The following ASAP3 variants were observed in gnomAD, a reference collection of about 807,000 sequenced individuals.
The protein encoded by ASAP3 is arf-GAP with SH3 domain, ANK repeat and PH domain-containing protein 3.
Under a neutral mutation model 118.2 loss-of-function variants are expected in ASAP3, and 85 were observed. The ratio of observed to expected loss-of-function variants is 0.72; its 90% CI spans 0.60 to 0.86. The LOEUF (loss-of-function observed/expected upper bound fraction) is 0.86. ASAP3 is among the 40% of genes least tolerant of loss of function. The pLI, the probability that ASAP3 is intolerant of heterozygous loss-of-function variation, is 0.00. For synonymous variants in ASAP3, 432 were observed against 477.4 expected (o/e 0.90, Z 1.24); for missense variants, 1,026 against 1,175.0 (o/e 0.87, Z 1.85).
intron 1 of ASAP3, among the ~76,000 whole-genome samples, chr1:23,468,273 C>T (rs759243275): frequency 6.6e-6 from 1 of 152,244 alleles, no homozygotes; most frequent in Non-Finnish European, 1.5e-5. Flanking sequence ...CCACACTCAT[C>T]ATGAGCACTA....
In ASAP3 at chr1:23,435,975, C is replaced by A. The variant is rs751387661; in HGVS notation, c.1625G>T (p.Arg542Leu). Residue 542 changes from arginine (R) to leucine (L), a missense_variant, in exon 17 of 25, where the codon CGC becomes CTC. Transcript: ENST00000336689. ...MAKYVEHRFARRCTPEPQRLW... is the reference protein window; with the variant it reads ...MAKYVEHRFALRCTPEPQRLW... ...TCGCTGAGGCTCAGGTGTGCACCGG[C>A]GTGCAAACCTATGCTCCACATACTT... The A allele has an allele frequency of 1.2e-6, 2 of 1,614,134 alleles. No homozygotes were observed. Among genetic ancestry groups the A allele is most frequent in the African/African-American group, 1.3e-5 (1 of 74,936 alleles).
rs565361291 is a variant in ASAP3 at position 23,437,037 on chromosome 1, C to T, written c.1350G>A (p.Thr450=). 3.1e-6 allele frequency: 5 copies of T among 1,610,852 alleles called. No homozygotes were observed. The East Asian group carries it at 6.7e-5, about 22-fold the overall frequency. The stretch of plus-strand genomic sequence containing the variant: ...GCACGCCCAGGTTGGTGCTGAGCCA[C>T]GTGGGGTCTGCAGAGGAAAGCAGCT... ...QCCDCGAADP[T]WLSTNLGVLT... is the part of the protein sequence containing the mutation. Residue 450 remains threonine (T), a synonymous_variant, in exon 15 of 25, where the codon ACG becomes ACA. Transcript: ENST00000336689. The surrounding 1 kb of genome is among the most constrained non-coding windows in gnomAD (Gnocchi z 6.1).
chr1:23,433,052 C>T, intron 22 of ASAP3, 25 bp downstream of exon 22: 1 of 1,612,566 alleles, frequency 6.2e-7, no homozygotes, highest in Non-Finnish European at 8.5e-7. Flanking sequence ...GCATGGTGAG[C>T]ATTTATCTGG....
chr1:23,472,952 T>C (rs1260848285), intron 1 of ASAP3, among the ~76,000 whole-genome samples: 1 of 152,078 alleles, frequency 6.6e-6, no homozygotes, highest in African/African-American at 2.4e-5. Context: ...CAAACCCAAG[T>C]CTGTCTGACT....
At chr1:23,441,801 G>A (rs1640882987) in intron 7 of ASAP3, 71 bp from the exon 8 acceptor site, 1 of 1,538,826 alleles carries the variant, frequency 6.5e-7, no homozygotes, top group Admixed American at 1.7e-5. Context: ...AGAAGTGTGG[G>A]AGAAGCTGCC....
At chr1:23,470,760 C>T (rs1311531656) in intron 1 of ASAP3, among the ~76,000 whole-genome samples, 1 of 152,258 alleles carries the variant, frequency 6.6e-6, no homozygotes, top group African/African-American at 2.4e-5. Flanking sequence ...CCAGCCTCAC[C>T]AGCTCAGCCT....
At chr1:23,444,519 A>G (rs1383625708) in intron 5 of ASAP3, among the ~76,000 whole-genome samples, 1 of 152,190 alleles carries the variant, frequency 6.6e-6, no homozygotes, top group African/African-American at 2.4e-5. Context: ...CCCCTCTCTG[A>G]GCCTTGGTCT....
intron 24 of ASAP3, 21 bp from the exon 25 acceptor site, chr1:23,429,951 C>T (rs1558097438): frequency 6.2e-7 from 1 of 1,608,544 alleles, no homozygotes; most frequent in Non-Finnish European, 8.5e-7. Flanking sequence ...AAGGATGAAA[C>T]TGACATTTTC....
In ASAP3 at chr1:23,436,661, T is replaced by A. The variant is rs1640667909; in HGVS notation, c.1477-7A>T. 1.9e-6 allele frequency: 3 copies of A among 1,613,590 alleles called. No homozygotes were observed. Among genetic ancestry groups the A allele is most frequent in the Non-Finnish European group, 1.7e-6 (2 of 1,179,920 alleles). On this transcript the variant is annotated splice_region_variant and splice_polypyrimidine_tract_variant and intron_variant, in intron 15 of 24. Coordinates refer to ENST00000336689, the MANE Select transcript of ASAP3 (RefSeq NM_017707.4). This position sits in a 1 kb window ranked among gnomAD's most constrained non-coding sequence, Gnocchi z 4.2. ...TTCCCATGTTCAAGGCCAGCTGGAG[T>A]CGTAGGAAAATAGACGTGGGGCGGA...
chr1:23,453,934 C>T (rs188965262), intron 3 of ASAP3, among the ~76,000 whole-genome samples: 1 of 152,314 alleles, frequency 6.6e-6, no homozygotes, highest in East Asian at 1.9e-4. Flanking sequence ...GTCCACTAGA[C>T]AGCAGACCCC....
At chr1:23,457,770 C>T (rs1202134961) in intron 1 of ASAP3, among the ~76,000 whole-genome samples, 1 of 152,218 alleles carries the variant, frequency 6.6e-6, no homozygotes, top group African/African-American at 2.4e-5. Flanking sequence ...GCTTCGGCCT[C>T]CCAAGGTGCT....
Position 23,435,877 on chromosome 1 carries a change from G to A in ASAP3, c.1723C>T (p.Gln575Ter). ...EAFANGQDFG[Q>*]PLPGPDAQAP... Reference sequence around the variant, plus strand: ...TGTGCATCAGGCCCTGGCAGCGGCTGTCCAAAGTCCTGCCCATTGGCAAAG... The same window carrying A: ...TGTGCATCAGGCCCTGGCAGCGGCTATCCAAAGTCCTGCCCATTGGCAAAG... Residue 575 changes from glutamine to a stop codon, truncating the protein, a stop_gained, in exon 17 of 25, where the codon CAG (glutamine) becomes TAG (stop). Transcript: ENST00000336689. LOFTEE classifies it high-confidence loss of function. 1.2e-6 allele frequency: 2 copies of A among 1,614,274 alleles called. No homozygotes were observed. The highest frequency in any genetic ancestry group is 4.5e-5 in the East Asian group (2 of 44,888).
chr1:23,434,305 G>A lies in ASAP3; in HGVS notation c.1900C>T (p.Gln634Ter). The change falls in exon 19 of 25, where the codon CAG becomes TAG. Residue 634 changes from glutamine (Q) to a stop codon, truncating the protein, a stop_gained. Coordinates refer to ENST00000336689, the MANE Select transcript of ASAP3 (RefSeq NM_017707.4). LOFTEE classifies it high-confidence loss of function. Reference sequence around the variant, plus strand: ...AGCAGCAGCTTGAGGCAGTCGGGCTGGTTGTAGAGTGCTGCGTAGTGCAGA... The same window carrying A: ...AGCAGCAGCTTGAGGCAGTCGGGCTAGTTGTAGAGTGCTGCGTAGTGCAGA... ...TALHYAALYN[Q>*]PDCLKLLLKG... 1 of 1,614,216 alleles carries A rather than the reference G, an allele frequency of 6.2e-7. No homozygotes were observed. The highest frequency in any genetic ancestry group is 2.2e-5 in the East Asian group (1 of 44,888).
Position 23,431,082 on chromosome 1 carries a change from C to A in ASAP3, c.2590G>T (p.Glu864Ter). ...RSYRRGARSP[E>*]DGPSARQPLP... ...GGCTGCCTGGCTGAGGGACCATCTT[C>A]AGGGCTCCGCGCCCCCCGCCGATAG... Residue 864 changes from glutamate (E) to a stop codon, truncating the protein, a stop_gained, in exon 24 of 25, where the codon GAA (glutamate) becomes TAA (stop). Transcript: ENST00000336689. LOFTEE classifies it high-confidence loss of function. 1 of 1,576,258 alleles carries A rather than the reference C, an allele frequency of 6.3e-7. No homozygotes were observed. The highest frequency in any genetic ancestry group is 1.2e-5 in the South Asian group (1 of 85,684).
chr1:23,452,904 A>G (rs1484221816), intron 3 of ASAP3, 133 bp from the exon 4 acceptor site: 3 of 859,838 alleles, frequency 3.5e-6, no homozygotes, highest in Non-Finnish European at 3.7e-6. Flanking sequence ...AAAAGATGTT[A>G]TCAAAGAGAT....
At chr1:23,455,165 C>T (rs920508097) in intron 3 of ASAP3, among the ~76,000 whole-genome samples, 3 of 152,206 alleles carry the variant, frequency 2.0e-5, no homozygotes, top group Non-Finnish European at 4.4e-5. Context: ...AGCTGCTTAA[C>T]CTTGAGGTCC....
chr1:23,482,866 G>A (rs1440299497), intron 1 of ASAP3, among the ~76,000 whole-genome samples: 2 of 151,824 alleles, frequency 1.3e-5, no homozygotes, highest in Non-Finnish European at 2.9e-5. Flanking sequence ...GCAGGAGAAT[G>A]GTGTGAACCT....
At chr1:23,431,179 G>A in intron 23 of ASAP3, 54 bp from the exon 24 acceptor site, 1 of 1,534,882 alleles carries the variant, frequency 6.5e-7, no homozygotes, top group Non-Finnish European at 8.8e-7. Context: ...GCCCCTCAGA[G>A]TGGGGAGAAA....
chr1:23,438,285 G>A lies in ASAP3; in HGVS notation c.1102+462C>T, dbSNP rs923371446. On this transcript the variant is annotated intron_variant, in intron 12 of 24. Transcript: ENST00000336689. This position sits in a 1 kb window ranked among gnomAD's most constrained non-coding sequence, Gnocchi z 4.9. ...GACAGCCCCCTCATCTTACAGTCCT[G>A]GGTACCCACCCCACACCCCTGCCAG... Among the ~76,000 whole-genome samples the A allele has an allele frequency of 2.0e-4, 30 of 152,120 alleles. No individual in the cohort carries two copies. Among genetic ancestry groups the A allele is most frequent in the African/African-American group, 7.0e-4 (29 of 41,472 alleles).
Sources: allele counts gnomAD v4.1 joint callset (sites outside exome capture counted in the v4.1 genomes callset), GRCh38; gene constraint gnomAD v4.1.1; non-coding constraint Gnocchi (gnomAD v3.1); transcripts MANE v1.5; gene names NCBI Gene and HGNC (gene_info 2026-07-23, HGNC 2026-07-21).